The following GRM8 variants were observed in gnomAD, a reference collection of about 807,000 sequenced individuals.
The protein encoded by GRM8 is glutamate metabotropic receptor 8, also known as metabotropic glutamate receptor 8.
GRM8 carries 47 observed loss-of-function variants against 87.2 expected under a neutral mutation model. The observed-to-expected ratio is 0.54, with a 90% CI of 0.43 to 0.69. The LOEUF is 0.69. Among genes scored for constraint, GRM8 ranks in the 30% least tolerant of loss-of-function variants. The pLI, the probability that GRM8 is intolerant of heterozygous loss-of-function variation, is 0.00. For synonymous variants in GRM8, 396 were observed against 404.5 expected (o/e 0.98, Z 0.25); for missense variants, 1,019 against 1,139.2 (o/e 0.89, Z 1.52).
intron 6 of GRM8, among the ~76,000 whole-genome samples, chr7:126,873,777 A>G (rs1799303322): frequency 2.0e-5 from 3 of 152,060 alleles, no homozygotes; most frequent in Admixed American, 2.0e-4. Flanking sequence ...ATGGCAACCT[A>G]TTGGGCTGAG....
intron 2 of GRM8, among the ~76,000 whole-genome samples, chr7:127,133,287 G>T (rs577133467): frequency 6.6e-6 from 1 of 151,446 alleles, no homozygotes; most frequent in Non-Finnish European, 1.5e-5. Context: ...GCATGGTGGC[G>T]GGTGCCTGTA....
rs1228670050 is a variant in GRM8, at chr7:126,875,712, C to T, written c.1156+26830G>A. ...TCAAAAACTGTTCTTTCCATTCTACCTCTGTGGTTATTGCCTTAGGTCAGA... is the reference window on the plus strand; with the variant it reads ...TCAAAAACTGTTCTTTCCATTCTACTTCTGTGGTTATTGCCTTAGGTCAGA... On this transcript the variant is annotated intron_variant, in intron 6 of 10. Transcript: ENST00000339582. Among the ~76,000 whole-genome samples, 6 of 152,080 alleles carry T rather than the reference C, an allele frequency of 3.9e-5. No homozygotes were observed. The East Asian group carries it at 9.7e-4, about 25-fold the overall frequency.
chr7:126,738,565 G>T (rs951290654), intron 7 of GRM8, among the ~76,000 whole-genome samples: 1 of 151,900 alleles, frequency 6.6e-6, no homozygotes, highest in African/African-American at 2.4e-5. Flanking sequence ...TTTTGAACTT[G>T]ATGAGTTGAA....
At position 126,902,744 on chromosome 7, in the gene GRM8, G is replaced by T. The variant is rs13309429; in HGVS notation, c.1019-65C>A. 4,256 of 1,156,384 alleles carry T rather than the reference G, an allele frequency of 3.7e-3. 20 individuals are homozygous for T. Among genetic ancestry groups the T allele is most frequent in the Non-Finnish European group, 4.7e-3 (3,838 of 814,160 alleles). 71.6% of individuals were successfully genotyped at this position (1,156,384 alleles called of 1,614,324 possible). A position where few individuals can be genotyped will look rare whatever the true frequency, so the allele number is the denominator to read the frequency against. ...AAAATTAAATATTGTCAGAACTTTC[G>T]AATGGACATTATATTCTGATCACTG... On this transcript the variant is annotated intron_variant, in intron 5 of 10. Coordinates refer to ENST00000339582, the MANE Select transcript of GRM8 (RefSeq NM_000845.3).
At chr7:126,559,165 T>TG (rs1793445609) in intron 8 of GRM8, among the ~76,000 whole-genome samples, 1 of 150,702 alleles carries the variant, frequency 6.6e-6, no homozygotes, top group Non-Finnish European at 1.5e-5. Flanking sequence ...TTTTTTTTTT[T>TG]TTTTTAAGGC....
chr7:126,694,928 T>A (rs1809214288), intron 7 of GRM8, among the ~76,000 whole-genome samples: 1 of 152,072 alleles, frequency 6.6e-6, no homozygotes, highest in Admixed American at 6.6e-5. Context: ...TATCTGGGGG[T>A]CTGAGCTTAA....
rs551310891 is a variant in GRM8, at chr7:127,054,328, A to G, written c.727+52168T>C. On this transcript the variant is annotated intron_variant, in intron 3 of 10. Transcript: ENST00000339582. ...TGGGATCCATCCAGACCTTATTCTT[A>G]TTTAAATAAATACAGTTGACTTTAC... Among the ~76,000 whole-genome samples the G allele has an allele frequency of 1.5e-4, 23 of 152,300 alleles. No homozygotes were observed. The South Asian group carries it at 4.8e-3, about 32-fold the overall frequency.
At chr7:126,835,286 G>T (rs1795743595) in intron 6 of GRM8, among the ~76,000 whole-genome samples, 2 of 151,968 alleles carry the variant, frequency 1.3e-5, no homozygotes, top group Admixed American at 6.6e-5. Context: ...TTCCATACTG[G>T]ATTTATGCAA....
intron 2 of GRM8, among the ~76,000 whole-genome samples, chr7:127,230,657 C>T (rs1206122649): frequency 2.6e-5 from 4 of 152,090 alleles, no homozygotes; most frequent in African/African-American, 9.7e-5. Flanking sequence ...CCCTTGTAAG[C>T]GCCCTTACAA....
At chr7:126,464,408 G>T (rs544772078) in intron 9 of GRM8, among the ~76,000 whole-genome samples, 1 of 151,410 alleles carries the variant, frequency 6.6e-6, no homozygotes, top group African/African-American at 2.4e-5. Context: ...TATTTTTTAT[G>T]ATTTTTGAAT....
chr7:126,647,293 GGATAGATAGATA>G (rs58263801), intron 7 of GRM8, among the ~76,000 whole-genome samples: 3,509 of 143,148 alleles, frequency 0.025, 58 homozygotes, highest in African/African-American at 0.039. Context: ...ATAAATAGAT[GGATAGATAGATA>G]GATAGATAGA....
In GRM8 at chr7:126,813,741, C is replaced by T. The variant is rs76626375; in HGVS notation, c.1157-43676G>A. On this transcript the variant is annotated intron_variant, in intron 6 of 10. Coordinates refer to ENST00000339582, the MANE Select transcript of GRM8 (RefSeq NM_000845.3). ...AAACTTGTATGCCTATTTTCAGGAT[C>T]GGTTGAAACATTTCCTTGCTGAAAA... Among the ~76,000 whole-genome samples the T allele has an allele frequency of 3.2e-3, 494 of 152,140 alleles. 4 individuals are homozygous for T. The highest frequency in any genetic ancestry group is 0.011 in the African/African-American group (467 of 41,540).
chr7:126,882,581 A>C (rs1249951798), intron 6 of GRM8, among the ~76,000 whole-genome samples: 1 of 152,230 alleles, frequency 6.6e-6, no homozygotes, highest in Non-Finnish European at 1.5e-5. Context: ...ATTTACAAAA[A>C]TTGTTATGTT....
At chr7:126,794,525 A>G (rs1821749086) in intron 6 of GRM8, among the ~76,000 whole-genome samples, 1 of 152,156 alleles carries the variant, frequency 6.6e-6, no homozygotes, top group South Asian at 2.1e-4. Context: ...TTTTCTTCCG[A>G]AAAACATCTT....
intron 2 of GRM8, among the ~76,000 whole-genome samples, chr7:127,207,029 A>G (rs1795953341): frequency 1.3e-5 from 2 of 152,310 alleles, no homozygotes; most frequent in Non-Finnish European, 2.9e-5. Flanking sequence ...ATGAAGGAAA[A>G]ATAAGACCCA....
chr7:126,540,117 C>T (rs1300100667), intron 8 of GRM8, among the ~76,000 whole-genome samples: 1 of 151,896 alleles, frequency 6.6e-6, no homozygotes, highest in African/African-American at 2.4e-5. Context: ...AGTTAAAAGA[C>T]CAATAATCCA....
intron 2 of GRM8, among the ~76,000 whole-genome samples, chr7:127,173,970 A>G (rs1793955955): frequency 6.6e-6 from 1 of 152,190 alleles, no homozygotes; most frequent in African/African-American, 2.4e-5. Context: ...TTAACCTATG[A>G]AAACTGACTT....
intron 9 of GRM8, among the ~76,000 whole-genome samples, chr7:126,520,344 AACATGAT>A (rs1812794203): frequency 6.6e-6 from 1 of 152,176 alleles, no homozygotes; most frequent in Non-Finnish European, 1.5e-5. Flanking sequence ...GACCATTTTA[AACATGAT>A]ACATTTGGGG....
At chr7:126,887,031 G>A (rs1800561760) in intron 6 of GRM8, among the ~76,000 whole-genome samples, 1 of 152,104 alleles carries the variant, frequency 6.6e-6, no homozygotes, top group South Asian at 2.1e-4. Context: ...TAAGGGCCAG[G>A]TGGACTAAGG....
Sources: gnomAD v4.1 joint callset for allele counts (sites outside exome capture counted in the v4.1 genomes callset) on GRCh38, gnomAD v4.1.1 for gene constraint, MANE v1.5 for transcripts, NCBI Gene and HGNC (gene_info 2026-07-23, HGNC 2026-07-21) for gene names.